ATP11A: variants seen among roughly 807,000 people sequenced by gnomAD.
The protein encoded by ATP11A is ATPase phospholipid transporting 11A.
ATP11A carries 81 observed loss-of-function variants against 154.4 expected under a neutral mutation model. The ratio of observed to expected loss-of-function variants is 0.52; its 90% CI spans 0.44 to 0.63. ATP11A has a LOEUF of 0.63. Among genes scored for constraint, ATP11A ranks in the 30% least tolerant of loss-of-function variants. ATP11A has a pLI of 0.00. For missense variants in ATP11A, 1,316 were observed against 1,474.3 expected, an observed-to-expected ratio of 0.89 and a Z score of 1.76; for synonymous variants, 623 against 585.9, an observed-to-expected ratio of 1.06 and a Z score of -0.91.
intron 26 of ATP11A, among the ~76,000 whole-genome samples, 189 bp downstream of exon 26, chr13:112,871,989 G>A (rs1409935910): frequency 1.3e-5 from 2 of 152,164 alleles, no homozygotes; most frequent in Admixed American, 6.5e-5. Flanking sequence ...GTAATGCACA[G>A]CCACTCAGCA....
rs566687323 is a variant in ATP11A at position 112,882,530 on chromosome 13, G to T, written c.*664G>T. ...GTCACTCGGATACCATCATCCCTGCGGATGCACCGCCGTACCCTGCTCATC... is the reference window on the plus strand; with the variant it reads ...GTCACTCGGATACCATCATCCCTGCTGATGCACCGCCGTACCCTGCTCATC... On this transcript the variant is annotated 3_prime_UTR_variant, in exon 30 of 30. Transcript: ENST00000375645. This position sits in a 1 kb window ranked among gnomAD's most constrained non-coding sequence, Gnocchi z 5.1. 2.2e-6 allele frequency: 1 copy of T among 453,986 alleles called. No individual in the cohort carries two copies. Among genetic ancestry groups the T allele is most frequent in the East Asian group, 3.3e-5 (1 of 30,324 alleles). The allele number at this position is 453,986 out of a possible 1,614,324, so 28.1% of individuals were successfully genotyped here.
At position 112,855,604 on chromosome 13, in the gene ATP11A, C is replaced by T. The variant is rs568388329; in HGVS notation, c.2244-307C>T. Among the ~76,000 whole-genome samples the T allele has an allele frequency of 7.9e-5, 12 of 152,316 alleles. 1 individual carries two copies. In the East Asian group the frequency reaches 2.1e-3, roughly 27 times the overall value. On this transcript the variant is annotated intron_variant, in intron 19 of 29. Transcript: ENST00000375645. ...GACCAAGAAGGTTGAGAGTAAAGAC[C>T]AACCAAGATCTTAGACCACAAGATG... is the stretch of plus-strand genomic sequence containing the variant.
Position 112,883,900 on chromosome 13 carries a change from C to T in ATP11A, c.*2034C>T, listed in dbSNP as rs993913926. 6.6e-6 allele frequency: 1 copy of T among 152,582 alleles called. No individual in the cohort carries two copies. Among genetic ancestry groups the T allele is most frequent in the Admixed American group, 6.5e-5 (1 of 15,284 alleles). 9.5% of individuals were successfully genotyped at this position (152,582 alleles called of 1,614,324 possible). ...AGCGGGGGCAGATTCTCTGTATGTT[C>T]AGTTAACAAATTATTTGTAATGTAT... On this transcript the variant is annotated 3_prime_UTR_variant, in exon 30 of 30. Coordinates refer to ENST00000375645, the MANE Select transcript of ATP11A (RefSeq NM_015205.3).
At chr13:112,791,757 C>T (rs896512385) in intron 2 of ATP11A, among the ~76,000 whole-genome samples, 3 of 152,202 alleles carry the variant, frequency 2.0e-5, no homozygotes, top group South Asian at 2.1e-4. Context: ...CCTTCCTCTC[C>T]GCTGCTCCCT....
At chr13:112,720,899 C>T (rs1889096571) in intron 1 of ATP11A, among the ~76,000 whole-genome samples, 1 of 152,154 alleles carries the variant, frequency 6.6e-6, no homozygotes, top group African/African-American at 2.4e-5. Flanking sequence ...CGTGTTCAAC[C>T]TCCCTTATGT....
intron 17 of ATP11A, among the ~76,000 whole-genome samples, chr13:112,846,862 G>A (rs922490560): frequency 1.3e-5 from 2 of 152,210 alleles, no homozygotes; most frequent in Admixed American, 6.5e-5. Context: ...TGCCTGCCCC[G>A]GGTGGTGCTC....
At chr13:112,755,742 G>A (rs2076809029) in intron 1 of ATP11A, among the ~76,000 whole-genome samples, 1 of 151,542 alleles carries the variant, frequency 6.6e-6, no homozygotes, top group African/African-American at 2.4e-5. Flanking sequence ...TCCGGTCACG[G>A]AAGCGGCACT....
At chr13:112,731,982 G>A (rs147240786) in intron 1 of ATP11A, among the ~76,000 whole-genome samples, 17 of 151,852 alleles carry the variant, frequency 1.1e-4, no homozygotes, top group South Asian at 2.1e-4. Context: ...AAGGCATAGC[G>A]TGCGGGCACT....
intron 17 of ATP11A, among the ~76,000 whole-genome samples, chr13:112,848,945 C>T (rs2079684705): frequency 6.6e-6 from 1 of 152,256 alleles, no homozygotes; most frequent in African/African-American, 2.4e-5. Flanking sequence ...ACCTCAGCCT[C>T]CCAAAGTGCT....
chr13:112,789,814 C>G (rs1212470871), intron 2 of ATP11A, among the ~76,000 whole-genome samples: 1 of 147,102 alleles, frequency 6.8e-6, no homozygotes, highest in Non-Finnish European at 1.5e-5. Flanking sequence ...CTACTTAATT[C>G]ACACCGAGTG....
intron 1 of ATP11A, among the ~76,000 whole-genome samples, chr13:112,752,812 G>T (rs887970027): frequency 6.6e-6 from 1 of 152,210 alleles, no homozygotes; most frequent in Non-Finnish European, 1.5e-5. Context: ...TAAAGAGAAT[G>T]TAGTTGTCAG....
chr13:112,808,127 G>T (rs1247371381), intron 4 of ATP11A, among the ~76,000 whole-genome samples: 2 of 152,056 alleles, frequency 1.3e-5, no homozygotes, highest in East Asian at 3.9e-4. Context: ...TGCAGAGGCT[G>T]CCTCTCTACA....
intron 1 of ATP11A, among the ~76,000 whole-genome samples, chr13:112,707,553 A>G (rs909410710): frequency 6.6e-6 from 1 of 152,174 alleles, no homozygotes; most frequent in Non-Finnish European, 1.5e-5. Flanking sequence ...TCTTAAAACT[A>G]CACGAGAAGC....
chr13:112,706,993 G>C (rs1887209542), intron 1 of ATP11A, among the ~76,000 whole-genome samples: 1 of 152,170 alleles, frequency 6.6e-6, no homozygotes, highest in Non-Finnish European at 1.5e-5. Context: ...AAGCAAATTC[G>C]AGCGATTTTC....
In ATP11A at chr13:112,831,505, C is replaced by T. The variant is rs749670161; in HGVS notation, c.1352C>T (p.Ser451Leu). The T allele has an allele frequency of 1.2e-6, 2 of 1,614,180 alleles. No homozygotes were observed. The highest frequency in any genetic ancestry group is 1.7e-5 in the Admixed American group (1 of 60,018). Residue 451 changes from serine to leucine, a missense_variant, in exon 13 of 30, where the codon TCA (serine) becomes TTA (leucine). This residue lies in a region of ATP11A where 876 missense variants were observed against 1,006.8 expected (regional missense o/e 0.87). Transcript: ENST00000375645. ...AACGGGCAGGTCCTCCCAGAGTCGT[C>T]AGGAATCGACATGATTGACTCGTCC... is the stretch of plus-strand genomic sequence containing the variant. ...ICNGQVLPES[S>L]GIDMIDSSPS...
intron 2 of ATP11A, among the ~76,000 whole-genome samples, chr13:112,798,968 A>G (rs2078066980): frequency 6.6e-6 from 1 of 152,234 alleles, no homozygotes; most frequent in Admixed American, 6.5e-5. Flanking sequence ...ATAGAGGAAG[A>G]TGTACCATGC....
intron 1 of ATP11A, among the ~76,000 whole-genome samples, chr13:112,723,514 C>T (rs1039486434): frequency 1.5e-4 from 23 of 150,250 alleles, no homozygotes; most frequent in African/African-American, 5.6e-4. Flanking sequence ...TCAGGTGATC[C>T]GCCTGCCTTG....
rs2080935558 is a variant in ATP11A, at chr13:112,883,908, A to G, written c.*2042A>G. 1 of 152,658 alleles carries G rather than the reference A, an allele frequency of 6.6e-6. No individual in the cohort carries two copies. Among genetic ancestry groups the G allele is most frequent in the African/African-American group, 2.4e-5 (1 of 41,476 alleles). The allele number at this position is 152,658 out of a possible 1,614,324, so 9.5% of individuals were successfully genotyped here. ...CAGATTCTCTGTATGTTCAGTTAAC[A>G]AATTATTTGTAATGTATTTTTTTAG... On this transcript the variant is annotated 3_prime_UTR_variant, in exon 30 of 30. Transcript: ENST00000375645.
In ATP11A at chr13:112,873,594, T is replaced by A; in HGVS notation, c.3079T>A (p.Trp1027Arg). ...TTAGCTTGCATTGGACACACACTAC[T>A]GGACTTGGATCAACCATTTTGTCAT... Reference protein sequence around the residue: ...TLKLALDTHYWTWINHFVIWG... With the variant: ...TLKLALDTHYRTWINHFVIWG... Residue 1027 changes from tryptophan to arginine, a missense_variant, in exon 27 of 30, where the codon TGG (tryptophan) becomes AGG (arginine). Around this residue, in one of 5 missense-constraint regions of ATP11A, gnomAD observed 294 missense variants for 290.2 expected, o/e 1.01. Transcript: ENST00000375645. 1 of 1,611,932 alleles carries A rather than the reference T, an allele frequency of 6.2e-7. No homozygotes were observed. Among genetic ancestry groups the A allele is most frequent in the Non-Finnish European group, 8.5e-7 (1 of 1,179,434 alleles).
Sources: gnomAD v4.1 joint callset for allele counts (sites outside exome capture counted in the v4.1 genomes callset) on GRCh38, gnomAD v4.1.1 for gene constraint, gnomAD v4.1.1 regional missense constraint, Gnocchi (gnomAD v3.1) non-coding constraint, MANE v1.5 for transcripts, NCBI Gene and HGNC (gene_info 2026-07-23, HGNC 2026-07-21) for gene names.